The following MCC variants were observed in gnomAD, a reference collection of about 807,000 sequenced individuals.
MCC encodes colorectal mutant cancer protein.
In MCC, 90 loss-of-function variants were observed where a neutral mutation model predicts 116.2. The ratio of observed to expected loss-of-function variants is 0.77; its 90% CI spans 0.65 to 0.92. The LOEUF (loss-of-function observed/expected upper bound fraction) is 0.92, where lower values mean the gene tolerates loss of function less well. Ranked by LOEUF, MCC falls within the 40% of genes least tolerant of loss-of-function variation. The probability of loss-of-function intolerance (pLI) is 0.00; values close to 1 mark genes in which losing one functional copy is unlikely to be tolerated. For missense variants in MCC, 1,516 were observed against 1,312.2 expected (o/e 1.16, Z -2.40); for synonymous variants, 578 against 510.5 (o/e 1.13, Z -1.78).
At chr5:113,438,612 T>C (rs1770936185) in intron 1 of MCC, among the ~76,000 whole-genome samples, 1 of 152,160 alleles carries the variant, frequency 6.6e-6, no homozygotes, top group Non-Finnish European at 1.5e-5. Context: ...TTCTACTCCA[T>C]TGGGCCCAAG....
intron 1 of MCC, among the ~76,000 whole-genome samples, chr5:113,461,798 G>A (rs918749465): frequency 6.7e-6 from 1 of 150,108 alleles, no homozygotes; most frequent in African/African-American, 2.5e-5. Flanking sequence ...CAATAATTGT[G>A]GAAGCTACAG....
At chr5:113,413,690 C>T (rs255869) in intron 1 of MCC, among the ~76,000 whole-genome samples, 43,058 of 151,966 alleles carry the variant, frequency 0.28, 8,681 homozygotes, top group African/African-American at 0.57. Context: ...TGCTAGCAGC[C>T]TATCAATTTT....
Position 113,434,318 on chromosome 5 carries a change from G to A in MCC, c.171-49106C>T, listed in dbSNP as rs35724644. ...CCGCATACGCTGGTGACCCACAGAAGGTCTTGCTTAATGCCATTCGACCAC... is the reference window on the plus strand; with the variant it reads ...CCGCATACGCTGGTGACCCACAGAAAGTCTTGCTTAATGCCATTCGACCAC... On this transcript the variant is annotated intron_variant, in intron 1 of 18. Coordinates refer to ENST00000408903, the MANE Select transcript of MCC (RefSeq NM_001085377.2). The surrounding 1 kb of genome is among the most constrained non-coding windows in gnomAD (Gnocchi z 4.2). The A allele has an allele frequency of 1.2e-6, 2 of 1,613,750 alleles. No individual in the cohort carries two copies. Among genetic ancestry groups the A allele is most frequent in the Non-Finnish European group, 1.7e-6 (2 of 1,179,846 alleles).
intron 1 of MCC, among the ~76,000 whole-genome samples, chr5:113,477,782 A>T: frequency 6.6e-6 from 1 of 152,242 alleles, no homozygotes. Flanking sequence ...AAGAAAGCTT[A>T]AAGGCAAGCT....
chr5:113,282,025 G>A (rs1766064927), intron 3 of MCC, among the ~76,000 whole-genome samples: 1 of 152,128 alleles, frequency 6.6e-6, no homozygotes. Flanking sequence ...CATTTATCTA[G>A]GGAAAATACT....
Position 113,082,927 on chromosome 5 carries a change from A to C in MCC, c.1717T>G (p.Ser573Ala), listed in dbSNP as rs1754959587. The C allele has an allele frequency of 1.2e-6, 2 of 1,614,088 alleles. No homozygotes were observed. The highest frequency in any genetic ancestry group is 1.7e-6 in the Non-Finnish European group (2 of 1,180,042). Residue 573 changes from serine to alanine, a missense_variant, in exon 11 of 19, where the codon TCA (serine) becomes GCA (alanine). Coordinates refer to ENST00000408903, the MANE Select transcript of MCC (RefSeq NM_001085377.2). ...CTTTCTGAGATGGCAGATCCGTGTGAGTAGAGTGTTTGGAAAATCTCTTGG... is the reference window on the plus strand; with the variant it reads ...CTTTCTGAGATGGCAGATCCGTGTGCGTAGAGTGTTTGGAAAATCTCTTGG... ...NIQEIFQTLY[S>A]HGSAISESKI...
At chr5:113,134,727 T>G (rs986587245) in intron 5 of MCC, among the ~76,000 whole-genome samples, 14 of 151,884 alleles carry the variant, frequency 9.2e-5, no homozygotes, top group African/African-American at 3.1e-4. Context: ...TGAAATTTTT[T>G]TGTGTGTGAA....
At chr5:113,106,524 A>T (rs543175801) in intron 6 of MCC, among the ~76,000 whole-genome samples, 2 of 152,076 alleles carry the variant, frequency 1.3e-5, no homozygotes, top group African/African-American at 2.4e-5. Flanking sequence ...CTGATTTTTT[A>T]AAATTTTAAT....
intron 2 of MCC, among the ~76,000 whole-genome samples, chr5:113,370,765 C>T (rs1451149025): frequency 6.6e-6 from 1 of 152,204 alleles, no homozygotes; most frequent in African/African-American, 2.4e-5. Context: ...TATATGCATA[C>T]ACAGACACCC....
At chr5:113,064,257 A>ATCCAT in intron 13 of MCC, 90 bp from the exon 14 acceptor site, 1 of 1,235,256 alleles carries the variant, frequency 8.1e-7, no homozygotes. Context: ...TCTGTTACTT[A>ATCCAT]GGGCAGAGGT....
chr5:113,106,937 C>T (rs1756772625), intron 6 of MCC, among the ~76,000 whole-genome samples: 2 of 152,184 alleles, frequency 1.3e-5, no homozygotes, highest in South Asian at 2.1e-4. Context: ...GGAGTTTCAC[C>T]TCCTCCCTTA....
rs1191424074 is a variant in MCC at position 113,151,333 on chromosome 5, C to T, written c.717G>A (p.Leu239=). The T allele has an allele frequency of 6.2e-7, 1 of 1,613,396 alleles. No individual in the cohort carries two copies. The highest frequency in any genetic ancestry group is 1.1e-5 in the South Asian group (1 of 90,960). Residue 239 remains leucine (L), a synonymous_variant, in exon 4 of 19, where the codon CTG becomes CTA. Transcript: ENST00000408903. ...LQQTERERDL[L]EKKLAKAQCE... is the part of the protein sequence containing the mutation. The stretch of plus-strand genomic sequence containing the variant: ...CCTGTGCCTTGGCCAATTTCTTTTC[C>T]AGAAGGTCCCGTTCCCTCTCTGTTT...
chr5:113,186,962 A>G (rs954549249), intron 3 of MCC, among the ~76,000 whole-genome samples: 1 of 152,178 alleles, frequency 6.6e-6, no homozygotes, highest in Non-Finnish European at 1.5e-5. Flanking sequence ...TAAACAGGAC[A>G]GCCCCCACAA....
At position 113,230,174 on chromosome 5, in the gene MCC, G is replaced by GT. The variant is rs1763891000; in HGVS notation, c.628-78753dup. 2.6e-5 allele frequency among the ~76,000 whole-genome samples: 4 copies of GT among 152,160 alleles called. No individual in the cohort carries two copies. In the South Asian group the frequency reaches 6.2e-4, roughly 24 times the overall value. ...CAAAATTAGGGCAGCAGTAAGTTTT[G>GT]TTTTTTTGTTTTGGTTTTTTACTTT... On this transcript the variant is annotated intron_variant, in intron 3 of 18. Transcript: ENST00000408903.
At position 113,304,717 on chromosome 5, in the gene MCC, A is replaced by G. The variant is rs528130027; in HGVS notation, c.627+35802T>C. ...TTAAACTATATCACATTTTCTATGGAAAGGAAAATTAATCAGTGGAGATTA... is the reference window on the plus strand; with the variant it reads ...TTAAACTATATCACATTTTCTATGGGAAGGAAAATTAATCAGTGGAGATTA... On this transcript the variant is annotated intron_variant, in intron 3 of 18. Coordinates refer to ENST00000408903, the MANE Select transcript of MCC (RefSeq NM_001085377.2). Among the ~76,000 whole-genome samples, 26 of 152,320 alleles carry G rather than the reference A, an allele frequency of 1.7e-4. No homozygotes were observed. In the East Asian group the frequency reaches 4.4e-3, roughly 26 times the overall value.
At chr5:113,301,136 A>G (rs1353893110) in intron 3 of MCC, among the ~76,000 whole-genome samples, 2 of 152,206 alleles carry the variant, frequency 1.3e-5, no homozygotes, top group African/African-American at 4.8e-5. Flanking sequence ...CAGAGCTAGC[A>G]CTCTTGATGG....
At position 113,027,176 on chromosome 5, in the gene MCC, C is replaced by T; in HGVS notation, c.*126G>A. ...GGTTGAGTTGGGGCACTCCATTGTCCAAGTGCCGACCTACCTGCCAGCCTT... is the reference window on the plus strand; with the variant it reads ...GGTTGAGTTGGGGCACTCCATTGTCTAAGTGCCGACCTACCTGCCAGCCTT... On this transcript the variant is annotated 3_prime_UTR_variant, in exon 19 of 19. Transcript: ENST00000408903. The T allele has an allele frequency of 3.1e-6, 3 of 969,262 alleles. No individual in the cohort carries two copies. Among genetic ancestry groups the T allele is most frequent in the East Asian group, 5.1e-5 (2 of 38,856 alleles). 60.0% of individuals were successfully genotyped at this position (969,262 alleles called of 1,614,324 possible).
chr5:113,110,839 C>T (rs1437973937), intron 6 of MCC, among the ~76,000 whole-genome samples: 3 of 152,178 alleles, frequency 2.0e-5, no homozygotes, highest in Non-Finnish European at 2.9e-5. Context: ...TAACTGTCAA[C>T]ATTTTAAAAA....
At chr5:113,085,381 G>C (rs562899637) in intron 8 of MCC, 71 bp from the exon 9 acceptor site, 4 of 1,463,730 alleles carry the variant, frequency 2.7e-6, no homozygotes, top group South Asian at 1.3e-5. Context: ...CAGATGGGTA[G>C]GTGGTGGGGC....
Sources: gnomAD v4.1 joint callset for allele counts (sites outside exome capture counted in the v4.1 genomes callset) on GRCh38, gnomAD v4.1.1 for gene constraint, Gnocchi (gnomAD v3.1) non-coding constraint, MANE v1.5 for transcripts, NCBI Gene and HGNC (gene_info 2026-07-23, HGNC 2026-07-21) for gene names.